The following CWC25 variants were observed in gnomAD, a reference collection of about 807,000 sequenced individuals.
CWC25 encodes the protein CWC25 spliceosome associated protein, also known as pre-mRNA-splicing factor CWC25 homolog.
A neutral mutation model predicts 54.6 loss-of-function variants in CWC25; 31 were observed. The ratio of observed to expected loss-of-function variants is 0.57; its 90% CI spans 0.43 to 0.77. CWC25 has a LOEUF of 0.77. Among genes scored for constraint, CWC25 ranks in the 30% least tolerant of loss-of-function variants. The pLI, the probability that CWC25 is intolerant of heterozygous loss-of-function variation, is 0.00. For synonymous variants in CWC25, 151 were observed against 187.0 expected (o/e 0.81, Z 1.57); for missense variants, 453 against 529.3 (o/e 0.86, Z 1.41).
chr17:38,813,299 CA>C (rs148118846), intron 3 of CWC25, among the ~76,000 whole-genome samples: 30,637 of 150,442 alleles, frequency 0.2, 3,232 homozygotes, highest in Admixed American at 0.27. Context: ...TCGTCTCTAC[CA>C]AAAAAAACAA....
intron 3 of CWC25, among the ~76,000 whole-genome samples, chr17:38,814,525 G>A (rs1371269786): frequency 6.6e-6 from 1 of 151,478 alleles, no homozygotes; most frequent in Non-Finnish European, 1.5e-5. Flanking sequence ...CGGATCACAA[G>A]GTGGTCAGGA....
chr17:38,820,848 A>G, intron 2 of CWC25, 53 bp downstream of exon 2: 2 of 1,566,676 alleles, frequency 1.3e-6, no homozygotes, highest in South Asian at 2.4e-5. Flanking sequence ...GATGCATCTC[A>G]GGACAGCTCT....
chr17:38,808,055 C>CAAAAAAAA (rs61226105), intron 6 of CWC25, among the ~76,000 whole-genome samples: 1 of 52,760 alleles, frequency 1.9e-5, no homozygotes, highest in Non-Finnish European at 4.1e-5. Context: ...GACTCCATCT[C>CAAAAAAAA]AAAAAAAAAA....
intron 8 of CWC25, among the ~76,000 whole-genome samples, chr17:38,803,534 G>A (rs1470463565): frequency 1.3e-5 from 2 of 152,144 alleles, no homozygotes; most frequent in Non-Finnish European, 2.9e-5. Context: ...GGAGGCTGAG[G>A]CAGGAGAATC....
At chr17:38,822,166 T>C (rs1043645417) in intron 1 of CWC25, among the ~76,000 whole-genome samples, 6 of 149,960 alleles carry the variant, frequency 4.0e-5, no homozygotes, top group Non-Finnish European at 8.9e-5. Flanking sequence ...TGGGTTCAAA[T>C]GATTCTCCTG....
At chr17:38,822,769 A>C (rs571017775) in intron 1 of CWC25, among the ~76,000 whole-genome samples, 10 of 152,184 alleles carry the variant, frequency 6.6e-5, no homozygotes, top group South Asian at 2.1e-4. Context: ...ACGCAAGAAG[A>C]AGCCAAGTGA....
chr17:38,815,922 G>A (rs550553421), intron 2 of CWC25, among the ~76,000 whole-genome samples: 26 of 152,244 alleles, frequency 1.7e-4, no homozygotes, highest in Non-Finnish European at 3.1e-4. Flanking sequence ...AATAAGTGAC[G>A]CTTTCAAGCC....
rs138128773 is a variant in CWC25, at chr17:38,822,075, T to C, written c.19-1002A>G. ...GAGCCACCGTGCCCAGCCTTTTTTG[T>C]TTCTTGAGACGGAGTTTCACTCTTC... On this transcript the variant is annotated intron_variant, in intron 1 of 9. Coordinates refer to ENST00000614790, the MANE Select transcript of CWC25 (RefSeq NM_017748.5). 2.0e-3 allele frequency among the ~76,000 whole-genome samples: 309 copies of C among 152,042 alleles called. 2 individuals are homozygous for C. The highest frequency in any genetic ancestry group is 7.2e-3 in the African/African-American group (297 of 41,456).
At chr17:38,804,862 T>C (rs192257764) in intron 8 of CWC25, among the ~76,000 whole-genome samples, 99 of 142,110 alleles carry the variant, frequency 7.0e-4, no homozygotes, top group Non-Finnish European at 1.1e-3. Flanking sequence ...ATCCCAGCAC[T>C]CTGGGAGGCC....
intron 1 of CWC25, among the ~76,000 whole-genome samples, chr17:38,822,850 AT>A (rs36069874): frequency 0.028 from 3,850 of 139,446 alleles, 168 homozygotes; most frequent in African/African-American, 0.091. Context: ...CGCCTGGCCA[AT>A]TTTTTTTTTT....
chr17:38,822,814 A>G (rs534924179), intron 1 of CWC25, among the ~76,000 whole-genome samples: 1 of 151,874 alleles, frequency 6.6e-6, no homozygotes, highest in African/African-American at 2.4e-5. Context: ...TAAGCCATGT[A>G]AAGGGATTAC....
At chr17:38,816,538 C>T (rs1472381455) in intron 2 of CWC25, among the ~76,000 whole-genome samples, 2 of 151,502 alleles carry the variant, frequency 1.3e-5, no homozygotes, top group African/African-American at 4.9e-5. Flanking sequence ...AAGGGTGAGC[C>T]ACCATGCCCA....
chr17:38,814,821 G>T, intron 3 of CWC25, 40 bp downstream of exon 3: 2 of 1,423,256 alleles, frequency 1.4e-6, no homozygotes, highest in African/African-American at 1.5e-5. Flanking sequence ...GGGTCTCAAA[G>T]CATCTGTAAC....
intron 4 of CWC25, 109 bp from the exon 5 acceptor site, chr17:38,810,704 C>A (rs1277464139): frequency 1.2e-5 from 8 of 690,502 alleles, no homozygotes; most frequent in Non-Finnish European, 2.1e-5. Flanking sequence ...CAGATCATCA[C>A]TTGAGGTCCG....
At chr17:38,823,209 G>C (rs59380191) in intron 1 of CWC25, among the ~76,000 whole-genome samples, 1 of 140,888 alleles carries the variant, frequency 7.1e-6, no homozygotes, top group Non-Finnish European at 1.5e-5. Context: ...ACGCAGGCTA[G>C]AGTGCAGTGG....
At chr17:38,809,460 T>C (rs1192213174) in intron 6 of CWC25, among the ~76,000 whole-genome samples, 3 of 151,932 alleles carry the variant, frequency 2.0e-5, no homozygotes, top group Admixed American at 2.0e-4. Flanking sequence ...CCTATACACT[T>C]AAAATGTGTG....
At chr17:38,811,132 G>A (rs1046448188) in intron 4 of CWC25, among the ~76,000 whole-genome samples, 3 of 151,554 alleles carry the variant, frequency 2.0e-5, no homozygotes, top group African/African-American at 7.3e-5. Context: ...TCGGGAGGCT[G>A]AGGCAGAAGA....
intron 4 of CWC25, among the ~76,000 whole-genome samples, chr17:38,812,017 C>A (rs1280681802): frequency 1.3e-5 from 2 of 151,820 alleles, no homozygotes; most frequent in African/African-American, 4.8e-5. Context: ...TGGCTCACAG[C>A]AAACTCCATC....
Position 38,806,364 on chromosome 17 carries a change from C to G in CWC25, c.934G>C (p.Gly312Arg). 1 of 1,613,668 alleles carries G rather than the reference C, an allele frequency of 6.2e-7. No homozygotes were observed. The highest frequency in any genetic ancestry group is 1.1e-5 in the South Asian group (1 of 90,974). Residue 312 changes from glycine (G) to arginine (R), a missense_variant, in exon 8 of 10, where the codon GGC (glycine) becomes CGC (arginine). Around this residue, in one of 2 missense-constraint regions of CWC25, gnomAD observed 444 missense variants for 499.2 expected, o/e 0.89. Coordinates refer to ENST00000614790, the MANE Select transcript of CWC25 (RefSeq NM_017748.5). ...HNSKVNRRETGQTRSPSPKKE... is the reference protein window; with the variant it reads ...HNSKVNRRETRQTRSPSPKKE... ...TTAGGTGATGGGCTCCTAGTTTGGCCTGTCTCTCTCCTGTTCACCTTAGAG... is the reference window on the plus strand; with the variant it reads ...TTAGGTGATGGGCTCCTAGTTTGGCGTGTCTCTCTCCTGTTCACCTTAGAG...
Sources: allele counts gnomAD v4.1 joint callset (sites outside exome capture counted in the v4.1 genomes callset), GRCh38; gene constraint gnomAD v4.1.1; regional missense constraint gnomAD v4.1.1; transcripts MANE v1.5; gene names NCBI Gene and HGNC (gene_info 2026-07-23, HGNC 2026-07-21).